SLCO4A1: variants seen among roughly 807,000 people sequenced by gnomAD.
SLCO4A1 encodes solute carrier organic anion transporter family member 4A1, also known as colon organic anion transporter.
In SLCO4A1, 51 loss-of-function variants were observed where a neutral mutation model predicts 64.6. That is an observed-to-expected ratio of 0.79 (90% CI 0.63 to 1.00). The LOEUF is 1.00. Among genes scored for constraint, SLCO4A1 ranks in the 50% least tolerant of loss-of-function variants. The pLI is 0.00. For missense variants in SLCO4A1, 919 were observed against 980.5 expected (o/e 0.94, Z 0.84); for synonymous variants, 471 against 444.9 (o/e 1.06, Z -0.74).
In SLCO4A1 at chr20:62,679,375, T is replaced by TC. The variant is rs540091460; in HGVS notation, n.212-6066_212-6065insC. The stretch of plus-strand genomic sequence containing the variant: ...AAACTCATCAAATTCCTTTTTTTTT[T>TC]TTCTGATACACATTCTCCCTCAGCC... On this transcript the variant is annotated intron_variant and non_coding_transcript_variant, in intron 2 of 2. Coordinates refer to the SLCO4A1 transcript ENST00000466818. Among the ~76,000 whole-genome samples the TC allele has an allele frequency of 1.2e-4, 18 of 152,046 alleles. No individual in the cohort carries two copies. The East Asian group carries it at 3.5e-3, about 29-fold the overall frequency.
At chr20:62,658,160 C>T (rs575594259) in intron 2 of SLCO4A1, among the ~76,000 whole-genome samples, 4 of 152,372 alleles carry the variant, frequency 2.6e-5, no homozygotes, top group South Asian at 2.1e-4. Context: ...GTGACCTCAG[C>T]CTCCTCATGT....
downstream of SLCO4A1, among the ~76,000 whole-genome samples, chr20:62,687,745 C>T (rs2147120420): frequency 6.6e-6 from 1 of 152,326 alleles, no homozygotes; most frequent in African/African-American, 2.4e-5. Context: ...CACCGGCTTC[C>T]CTGTACCTCT....
rs1176644843 is a variant in SLCO4A1, at chr20:62,668,962, GT to G, written c.1910del (p.Val637GlyfsTer27). On this transcript the variant is annotated frameshift_variant, in exon 11 of 12. Coordinates refer to ENST00000217159, the MANE Select transcript of SLCO4A1 (RefSeq NM_016354.4). LOFTEE classifies it high-confidence loss of function. Reference protein sequence around the residue: ...GIPGPIAFGWVIDKACLLWQD... With the variant: ...GIPGPIAFGWXIDKACLLWQD... ...CCCGGGGCCCATCGCCTTCGGCTGG[GT>G]GATCGACAAGGCCTGTCTGCTGTGG... The G allele has an allele frequency of 1.9e-6, 3 of 1,608,300 alleles. No homozygotes were observed. The highest frequency in any genetic ancestry group is 1.7e-6 in the Non-Finnish European group (2 of 1,179,988).
At position 62,653,407 on chromosome 20, in the gene SLCO4A1, C is replaced by T. The variant is rs146365326; in HGVS notation, c.-96-2952C>T. On this transcript the variant is annotated intron_variant, in intron 1 of 11. Coordinates refer to ENST00000217159, the MANE Select transcript of SLCO4A1 (RefSeq NM_016354.4). ...GCTCCCGGCCTGACCATGCTGGGCC[C>T]GGTTTATCTGCCTTCACAGATGAAG... Among the ~76,000 whole-genome samples the T allele has an allele frequency of 1.7e-3, 254 of 152,284 alleles. 1 individual carries two copies. Among genetic ancestry groups the T allele is most frequent in the Non-Finnish European group, 2.8e-3 (193 of 68,032 alleles).
chr20:62,670,520 C>T (rs534690925), intron 11 of SLCO4A1, among the ~76,000 whole-genome samples: 36 of 152,348 alleles, frequency 2.4e-4, no homozygotes, highest in East Asian at 1.4e-3. Flanking sequence ...CCTCCTTCAG[C>T]GAGAAGGTGT....
At chr20:62,651,211 C>T (rs1234727162) in intron 1 of SLCO4A1, 1 of 152,234 alleles carries the variant, frequency 6.6e-6, no homozygotes, top group Non-Finnish European at 1.5e-5. Flanking sequence ...GCCCACCCTC[C>T]CCTTTCCAAT....
chr20:62,658,276 G>A (rs1234851631), intron 2 of SLCO4A1, among the ~76,000 whole-genome samples: 1 of 152,234 alleles, frequency 6.6e-6, no homozygotes, highest in African/African-American at 2.4e-5. Flanking sequence ...CCACCACACC[G>A]AGCCTTCCAA....
chr20:62,687,438 G>A (rs888948221), downstream of SLCO4A1, among the ~76,000 whole-genome samples: 1 of 152,374 alleles, frequency 6.6e-6, no homozygotes, highest in East Asian at 1.9e-4. Flanking sequence ...ACGCAGTGGC[G>A]TCCAGGGCAG....
At chr20:62,643,011 C>A in intron 1 of SLCO4A1, 1 of 470,320 alleles carries the variant, frequency 2.1e-6, no homozygotes, top group Non-Finnish European at 4.4e-6. Flanking sequence ...CGGAGTCACC[C>A]ACCTGCGGCG....
At chr20:62,663,307 G>A (rs1308250865) in intron 5 of SLCO4A1, 2 of 152,228 alleles carry the variant, frequency 1.3e-5, no homozygotes, top group Non-Finnish European at 2.9e-5. Flanking sequence ...GCATTTGAAT[G>A]TTCCAGGCAT....
intron 1 of SLCO4A1, chr20:62,651,225 G>A (rs1345557902): frequency 1.3e-5 from 2 of 152,206 alleles, no homozygotes; most frequent in Non-Finnish European, 2.9e-5. Flanking sequence ...TTCCAATCTA[G>A]ACACCGCTGT....
In SLCO4A1 at chr20:62,645,841, G is replaced by T. The variant is rs1211772173; in HGVS notation, c.-97+3288G>T. 6.6e-6 allele frequency among the ~76,000 whole-genome samples: 1 copy of T among 151,828 alleles called. No individual in the cohort carries two copies. Among genetic ancestry groups the T allele is most frequent in the Admixed American group, 6.5e-5 (1 of 15,280 alleles). On this transcript the variant is annotated intron_variant, in intron 1 of 11. Coordinates refer to ENST00000217159, the MANE Select transcript of SLCO4A1 (RefSeq NM_016354.4). This position sits in a 1 kb window ranked among gnomAD's most constrained non-coding sequence, Gnocchi z 4.2. Reference sequence around the variant, plus strand: ...TTTTCTTGGTGGTTTTTCTAATCTGGCAAGCCTTGGGGGGCACCTGAGGCA... The same window carrying T: ...TTTTCTTGGTGGTTTTTCTAATCTGTCAAGCCTTGGGGGGCACCTGAGGCA...
At chr20:62,672,898 A>ATGGACTGCAGACAC (rs1555919116), downstream of SLCO4A1, among the ~76,000 whole-genome samples, 1 of 145,616 alleles carries the variant, frequency 6.9e-6, no homozygotes, top group African/African-American at 2.4e-5. Flanking sequence ...CAGGTGGGTC[A>ATGGACTGCAGACAC]GATCAGAACC....
In SLCO4A1 at chr20:62,657,094, G is replaced by T. The variant is rs184112176; in HGVS notation, c.640G>T (p.Ala214Ser). The T allele has an allele frequency of 1.3e-6, 2 of 1,598,110 alleles. No homozygotes were observed. Among genetic ancestry groups the T allele is most frequent in the African/African-American group, 2.7e-5 (2 of 74,726 alleles). ...GVRTCPANPG[A>S]VCADSTSGLS... ...CAGGACGTGCCCTGCCAACCCCGGC[G>T]CGGTGTGTGCGGACAGCACCTCGGG... Residue 214 changes from alanine (A) to serine (S), a missense_variant, in exon 2 of 12, where the codon GCG becomes TCG. Ala to Ser is a moderately conservative substitution (Grantham distance 99). Coordinates refer to ENST00000217159, the MANE Select transcript of SLCO4A1 (RefSeq NM_016354.4).
chr20:62,679,897 T>C (rs1987751893), intron 2 of SLCO4A1, among the ~76,000 whole-genome samples: 1 of 152,200 alleles, frequency 6.6e-6, no homozygotes. Context: ...TCATAGACTC[T>C]CTCGAATAAA....
At chr20:62,686,416 C>T (rs1359832744), downstream of SLCO4A1, among the ~76,000 whole-genome samples, 1 of 152,088 alleles carries the variant, frequency 6.6e-6, no homozygotes, top group African/African-American at 2.4e-5. Flanking sequence ...CCTAAAGCTT[C>T]AGGATGAATG....
intron 1 of SLCO4A1, among the ~76,000 whole-genome samples, chr20:62,647,432 CT>C (rs879462380): frequency 6.6e-6 from 1 of 152,142 alleles, no homozygotes; most frequent in Non-Finnish European, 1.5e-5. Flanking sequence ...GAAAGGAGAA[CT>C]GAGACCCTAT....
intron 4 of SLCO4A1, 98 bp from the exon 5 acceptor site, chr20:62,660,966 C>G (rs1000382399): frequency 3.6e-6 from 3 of 823,310 alleles, no homozygotes; most frequent in Non-Finnish European, 5.8e-6. Flanking sequence ...GTTCCCAGAC[C>G]GGGGAGGGGC....
downstream of SLCO4A1, among the ~76,000 whole-genome samples, chr20:62,675,364 C>T (rs1987541114): frequency 6.6e-6 from 1 of 152,132 alleles, no homozygotes; most frequent in African/African-American, 2.4e-5. Context: ...GGCTGCCGGC[C>T]ACCCACGCGG....
Sources: gnomAD v4.1 joint callset for allele counts (sites outside exome capture counted in the v4.1 genomes callset) on GRCh38, gnomAD v4.1.1 for gene constraint, Gnocchi (gnomAD v3.1) non-coding constraint, MANE v1.5 for transcripts, NCBI Gene and HGNC (gene_info 2026-07-23, HGNC 2026-07-21) for gene names.